Variants in EFCAB3 observed in about 807,000 individuals in gnomAD.
EFCAB3 encodes the protein EF-hand calcium binding domain 3.
EFCAB3 carries 36 observed loss-of-function variants against 42.2 expected under a neutral mutation model. That is an observed-to-expected ratio of 0.85 (90% CI 0.65 to 1.13). The LOEUF (loss-of-function observed/expected upper bound fraction) is 1.13. Among genes scored for constraint, EFCAB3 ranks in the 50% most tolerant of loss-of-function variants. EFCAB3 has a pLI of 0.00. For synonymous variants in EFCAB3, 170 were observed against 172.8 expected, an observed-to-expected ratio of 0.98 and a Z score of 0.13; for missense variants, 418 against 505.1, an observed-to-expected ratio of 0.83 and a Z score of 1.65.
At chr17:62,404,703 G>C (rs1309613177) in intron 6 of EFCAB3, among the ~76,000 whole-genome samples, 1 of 152,148 alleles carries the variant, frequency 6.6e-6, no homozygotes, top group Non-Finnish European at 1.5e-5. Context: ...AGCTGAAGCA[G>C]GAGAATCGTT....
At chr17:62,385,895 T>C in intron 2 of EFCAB3, among the ~76,000 whole-genome samples, 1 of 150,910 alleles carries the variant, frequency 6.6e-6, no homozygotes, top group Non-Finnish European at 1.5e-5. Flanking sequence ...AATTTTTTTT[T>C]TTTTTTAATT....
chr17:62,377,329 C>T (rs543566188), upstream of EFCAB3, among the ~76,000 whole-genome samples: 1 of 152,256 alleles, frequency 6.6e-6, no homozygotes, highest in South Asian at 2.1e-4. Flanking sequence ...TTTATCTGGC[C>T]AGGCCAAACC....
chr17:62,390,142 C>T (rs1358357447), intron 3 of EFCAB3, among the ~76,000 whole-genome samples: 3 of 151,872 alleles, frequency 2.0e-5, no homozygotes, highest in East Asian at 1.9e-4. Flanking sequence ...TAGCAATAGC[C>T]GGAGGGGGAA....
chr17:62,397,216 G>C (rs892971454), intron 6 of EFCAB3, among the ~76,000 whole-genome samples: 12 of 152,188 alleles, frequency 7.9e-5, no homozygotes, highest in African/African-American at 2.7e-4. Flanking sequence ...GCTAGTGCCT[G>C]ATACCTAAGG....
intron 6 of EFCAB3, chr17:62,397,980 A>T (rs2070365689): frequency 5.2e-6 from 1 of 193,468 alleles, no homozygotes; most frequent in African/African-American, 2.5e-5. Context: ...AGCCGACATC[A>T]TGCCACTGCA....
intron 4 of EFCAB3, among the ~76,000 whole-genome samples, chr17:62,392,305 T>C (rs1347604759): frequency 2.0e-5 from 3 of 151,512 alleles, no homozygotes; most frequent in Non-Finnish European, 2.9e-5. Flanking sequence ...TATGTGTGTG[T>C]CTGCGTGTGT....
At chr17:62,398,676 G>C (rs951210934) in intron 6 of EFCAB3, among the ~76,000 whole-genome samples, 1 of 148,376 alleles carries the variant, frequency 6.7e-6, no homozygotes, top group African/African-American at 2.5e-5. Context: ...TCAAAAGAAA[G>C]AAAGAAAAAA....
chr17:62,414,963 G>A (rs1296007967), intron 9 of EFCAB3, among the ~76,000 whole-genome samples: 6 of 151,966 alleles, frequency 3.9e-5, no homozygotes, highest in Admixed American at 3.9e-4. Context: ...AATTAGCTGG[G>A]CATGGTCGTG....
rs773944975 is a variant in EFCAB3, at chr17:62,407,107, G to A, written c.762G>A (p.Met254Ile). ...TCCCTAATGTGGATGGGGTGGTGATGGGAAAGCCATTCAAAGACATGCAGA... is the reference window on the plus strand; with the variant it reads ...TCCCTAATGTGGATGGGGTGGTGATAGGAAAGCCATTCAAAGACATGCAGA... ...PLFPNVDGVV[M>I]GKPFKDMQKL... is the part of the protein sequence containing the mutation. The change falls in exon 8 of 10, where the codon ATG becomes ATA. Residue 254 changes from methionine to isoleucine, a missense_variant. Physicochemically the swap from Met to Ile is conservative, Grantham distance 10. Transcript: ENST00000305286. 1.2e-6 allele frequency: 2 copies of A among 1,613,184 alleles called. No individual in the cohort carries two copies. The highest frequency in any genetic ancestry group is 3.3e-5 in the Admixed American group (2 of 59,888).
At chr17:62,398,120 C>T (rs9898600) in intron 6 of EFCAB3, 5,159 of 285,138 alleles carry the variant, frequency 0.018, 245 homozygotes, top group African/African-American at 0.1. Context: ...TACAAAGGCA[C>T]GAAGGAAAGA....
chr17:62,387,455 C>G (rs2070262944), intron 3 of EFCAB3, 39 bp downstream of exon 3: 1 of 1,510,318 alleles, frequency 6.6e-7, no homozygotes, highest in African/African-American at 1.4e-5. Flanking sequence ...CATAACAGCT[C>G]CTTAATATGT....
chr17:62,405,594 CCTACCATAG>C (rs1245479447), intron 6 of EFCAB3, among the ~76,000 whole-genome samples: 1 of 152,204 alleles, frequency 6.6e-6, no homozygotes, highest in African/African-American at 2.4e-5. Flanking sequence ...TAAGCAGATC[CCTACCATAG>C]CTGCAGAGAG....
At chr17:62,402,274 C>T (rs2070410549) in intron 6 of EFCAB3, among the ~76,000 whole-genome samples, 1 of 152,040 alleles carries the variant, frequency 6.6e-6, no homozygotes, top group South Asian at 2.1e-4. Flanking sequence ...AATTGAATAC[C>T]CTTTATTTCC....
chr17:62,388,639 G>A (rs921882041), intron 3 of EFCAB3, among the ~76,000 whole-genome samples: 2 of 152,176 alleles, frequency 1.3e-5, no homozygotes, highest in Non-Finnish European at 2.9e-5. Context: ...AGTCCCTCCA[G>A]GGCCACCAAG....
At chr17:62,376,639 C>G (rs770038061), upstream of EFCAB3, among the ~76,000 whole-genome samples, 29 of 152,094 alleles carry the variant, frequency 1.9e-4, no homozygotes, top group Non-Finnish European at 3.2e-4. Context: ...ACTTAAATAT[C>G]TTTTTCTCCC....
intron 1 of EFCAB3, among the ~76,000 whole-genome samples, chr17:62,372,454 G>T (rs558926097): frequency 2.0e-5 from 3 of 151,968 alleles, no homozygotes; most frequent in Admixed American, 6.6e-5. Context: ...GCTGATTTTT[G>T]TATTTTTTGT....
upstream of EFCAB3, among the ~76,000 whole-genome samples, chr17:62,380,150 C>T (rs2070184163): frequency 6.6e-6 from 1 of 152,068 alleles, no homozygotes; most frequent in Non-Finnish European, 1.5e-5. Flanking sequence ...TACAGGTGTG[C>T]ACCACCACAC....
Position 62,383,208 on chromosome 17 carries a change from G to T in EFCAB3, c.74+155G>T, listed in dbSNP as rs2070219352. The T allele has an allele frequency of 4.7e-6, 3 of 634,142 alleles. No individual in the cohort carries two copies. The South Asian group carries it at 6.8e-5, about 14-fold the overall frequency. 39.3% of individuals were successfully genotyped at this position (634,142 alleles called of 1,614,324 possible). ...TTGAGATTATTGGCCAGATGCAGTG[G>T]CTCACACCTGTAATCTCAGCACTTT... On this transcript the variant is annotated intron_variant, in intron 2 of 9. Transcript: ENST00000305286.
At chr17:62,411,542 G>A (rs2070494624) in intron 8 of EFCAB3, among the ~76,000 whole-genome samples, 1 of 152,180 alleles carries the variant, frequency 6.6e-6, no homozygotes, top group Non-Finnish European at 1.5e-5. Context: ...GCCAAGGCAG[G>A]TGGATCGCCT....
Sources: allele counts gnomAD v4.1 joint callset (sites outside exome capture counted in the v4.1 genomes callset), GRCh38; gene constraint gnomAD v4.1.1; transcripts MANE v1.5; gene names NCBI Gene and HGNC (gene_info 2026-07-23, HGNC 2026-07-21).